Variants in UBQLN1 observed in about 807,000 individuals in gnomAD.
UBQLN1 encodes ubiquilin 1, also known as ubiquilin-1.
Under a neutral mutation model 65.4 loss-of-function variants are expected in UBQLN1, and 13 were observed. That is an observed-to-expected ratio of 0.20 (90% CI 0.13 to 0.32). UBQLN1 has a LOEUF of 0.32. UBQLN1 is among the 10% of genes least tolerant of loss of function. UBQLN1 has a pLI of 1.00. For synonymous variants in UBQLN1, 267 were observed against 247.8 expected (o/e 1.08, Z -0.73); for missense variants, 561 against 724.0 (o/e 0.77, Z 2.58).
intron 6 of UBQLN1, among the ~76,000 whole-genome samples, chr9:83,671,426 T>TC (rs1831728215): frequency 1.3e-5 from 2 of 152,220 alleles, no homozygotes; most frequent in African/African-American, 2.4e-5. Context: ...ATAAGACTTG[T>TC]AAGTTGAAAG....
intron 8 of UBQLN1, among the ~76,000 whole-genome samples, chr9:83,666,027 A>G (rs144287299): frequency 1.1e-4 from 16 of 152,364 alleles, no homozygotes; most frequent in African/African-American, 3.4e-4. Flanking sequence ...ATAAAGCGTA[A>G]CATGACACAA....
Position 83,665,151 on chromosome 9 carries a change from GAAGA to G in UBQLN1, c.1333-10_1333-7del. The G allele has an allele frequency of 6.3e-7, 1 of 1,588,586 alleles. No individual in the cohort carries two copies. Among genetic ancestry groups the G allele is most frequent in the Non-Finnish European group, 8.6e-7 (1 of 1,167,406 alleles). ...AGTGTATCAGGATTCTGCATCTAAGGAAGAAAGAAAACTAGTGGTTACAAAGGAA... is the reference window on the plus strand; with the variant it reads ...AGTGTATCAGGATTCTGCATCTAAGGAAGAAAACTAGTGGTTACAAAGGAA... On this transcript the variant is annotated splice_polypyrimidine_tract_variant and splice_region_variant and intron_variant, in intron 8 of 10. Coordinates refer to ENST00000376395, the MANE Select transcript of UBQLN1 (RefSeq NM_013438.5).
chr9:83,689,250 A>G (rs1335648368), intron 1 of UBQLN1, among the ~76,000 whole-genome samples: 1 of 152,210 alleles, frequency 6.6e-6, no homozygotes, highest in Non-Finnish European at 1.5e-5. Flanking sequence ...TCAATACTTC[A>G]TCCCTTTCTA....
At chr9:83,703,355 T>C (rs1316222315) in intron 1 of UBQLN1, among the ~76,000 whole-genome samples, 1 of 152,164 alleles carries the variant, frequency 6.6e-6, no homozygotes, top group African/African-American at 2.4e-5. Flanking sequence ...TGCTTTCTGA[T>C]GGTTCAATGT....
chr9:83,668,662 T>C (rs1831681526), intron 7 of UBQLN1: 1 of 982,274 alleles, frequency 1.0e-6, no homozygotes, highest in African/African-American at 1.7e-5. Context: ...AAGGAATACA[T>C]TAATAAGGGA....
At chr9:83,677,219 C>T (rs1201609023) in intron 6 of UBQLN1, among the ~76,000 whole-genome samples, 6 of 152,140 alleles carry the variant, frequency 3.9e-5, no homozygotes, top group African/African-American at 1.4e-4. Context: ...TAACTAGTAA[C>T]AACTACACAA....
chr9:83,707,844 C>T lies in UBQLN1; in HGVS notation c.-165G>A. The T allele has an allele frequency of 9.4e-7, 1 of 1,063,472 alleles. No individual in the cohort carries two copies. The highest frequency in any genetic ancestry group is 1.3e-6 in the Non-Finnish European group (1 of 782,484). 65.9% of individuals were successfully genotyped at this position (1,063,472 alleles called of 1,614,324 possible). A position where few individuals can be genotyped will look rare whatever the true frequency, so the allele number is the denominator to read the frequency against. On this transcript the variant is annotated 5_prime_UTR_variant, in exon 1 of 11. Transcript: ENST00000376395. ...GGCCACCGTAGCGGGTGTGGGGCCC[C>T]GGAGCTCGGTGCAGGCTCTGGCGCA...
At chr9:83,695,731 A>G (rs2131181282) in intron 1 of UBQLN1, among the ~76,000 whole-genome samples, 1 of 152,318 alleles carries the variant, frequency 6.6e-6, no homozygotes, top group Non-Finnish European at 1.5e-5. Context: ...TCATAGTTGT[A>G]TAAATTTACC....
intron 3 of UBQLN1, among the ~76,000 whole-genome samples, chr9:83,681,613 T>C (rs914972434): frequency 6.6e-6 from 1 of 152,178 alleles, no homozygotes; most frequent in Non-Finnish European, 1.5e-5. Context: ...GAACACCATA[T>C]ACAAAAAGCA....
rs748854944 is a variant in UBQLN1, at chr9:83,707,728, G to A, written c.-49C>T. On this transcript the variant is annotated 5_prime_UTR_variant, in exon 1 of 11. Coordinates refer to ENST00000376395, the MANE Select transcript of UBQLN1 (RefSeq NM_013438.5). ...TGACTCAGGCAAGCAGGAGGGAGCA[G>A]GCGAGCAAGGAGGAGCCAGCAGACA... 5.8e-5 allele frequency: 87 copies of A among 1,507,220 alleles called. No individual in the cohort carries two copies. The Admixed American group carries it at 1.4e-3, about 24-fold the overall frequency. The allele number at this position is 1,507,220 out of a possible 1,614,324, so 93.4% of individuals were successfully genotyped here.
At chr9:83,699,561 C>G (rs773189944) in intron 1 of UBQLN1, among the ~76,000 whole-genome samples, 10 of 152,174 alleles carry the variant, frequency 6.6e-5, no homozygotes, top group Non-Finnish European at 1.3e-4. Context: ...GAGCCATGAT[C>G]ACTGAGCCAT....
chr9:83,686,918 CA>C (rs1053617640), intron 1 of UBQLN1, among the ~76,000 whole-genome samples: 9 of 146,410 alleles, frequency 6.1e-5, no homozygotes, highest in Non-Finnish European at 1.4e-4. Flanking sequence ...TCCAAAAAAA[CA>C]AAAAAAGAAA....
chr9:83,705,701 G>C (rs575413732), intron 1 of UBQLN1, among the ~76,000 whole-genome samples: 1 of 152,198 alleles, frequency 6.6e-6, no homozygotes, highest in Non-Finnish European at 1.5e-5. Flanking sequence ...ACTGCAAACA[G>C]CCCAGGTGAC....
intron 4 of UBQLN1, 122 bp downstream of exon 4, chr9:83,679,653 C>A: frequency 9.2e-7 from 1 of 1,092,228 alleles, no homozygotes. Context: ...TTTCTTAAAC[C>A]AAGATAAGGA....
chr9:83,673,657 A>AT (rs1305006624), intron 6 of UBQLN1, among the ~76,000 whole-genome samples: 1 of 152,076 alleles, frequency 6.6e-6, no homozygotes, highest in Non-Finnish European at 1.5e-5. Context: ...CGTGAAAACT[A>AT]TATGAAATTC....
intron 1 of UBQLN1, among the ~76,000 whole-genome samples, chr9:83,705,029 G>A (rs1479564051): frequency 6.6e-6 from 1 of 152,086 alleles, no homozygotes; most frequent in Admixed American, 6.6e-5. Flanking sequence ...CACCCAGGAT[G>A]GTGGAGGCAT....
chr9:83,677,496 A>T (rs950660991), intron 6 of UBQLN1, among the ~76,000 whole-genome samples: 13 of 152,172 alleles, frequency 8.5e-5, no homozygotes, highest in African/African-American at 2.9e-4. Flanking sequence ...CAGGAGGAAG[A>T]GGTTGCGGTG....
Position 83,678,431 on chromosome 9 carries a change from A to G in UBQLN1, c.870+10T>C. 6.2e-7 allele frequency: 1 copy of G among 1,606,476 alleles called. No individual in the cohort carries two copies. Among genetic ancestry groups the G allele is most frequent in the Non-Finnish European group, 8.5e-7 (1 of 1,177,160 alleles). On this transcript the variant is annotated intron_variant, in intron 5 of 10. Transcript: ENST00000376395. ...ACTCCTTGGCCTGAACCTTGGAGCC[A>G]GTGGATCACCTGCTCTTGTGCAGCA...
chr9:83,684,838 T>TA (rs1234523582), intron 2 of UBQLN1, among the ~76,000 whole-genome samples: 1 of 136,070 alleles, frequency 7.3e-6, no homozygotes, highest in Non-Finnish European at 1.6e-5. Flanking sequence ...AGTAAGGAAA[T>TA]AAAAAAAACC....
Sources: allele counts gnomAD v4.1 joint callset (sites outside exome capture counted in the v4.1 genomes callset), GRCh38; gene constraint gnomAD v4.1.1; transcripts MANE v1.5; gene names NCBI Gene and HGNC (gene_info 2026-07-23, HGNC 2026-07-21).